IRAK1BP1: variants seen among roughly 807,000 people sequenced by gnomAD.
IRAK1BP1 encodes interleukin-1 receptor-associated kinase 1-binding protein 1.
Under a neutral mutation model 28.0 loss-of-function variants are expected in IRAK1BP1, and 24 were observed. The ratio of observed to expected loss-of-function variants is 0.86; its 90% CI spans 0.62 to 1.20. IRAK1BP1 has a LOEUF of 1.20. Ranked by LOEUF, IRAK1BP1 falls within the 50% of genes most tolerant of loss-of-function variation. IRAK1BP1 has a pLI of 0.00. For missense variants in IRAK1BP1, 336 were observed against 316.7 expected (o/e 1.06, Z -0.46); for synonymous variants, 131 against 116.3 (o/e 1.13, Z -0.81).
At position 78,901,651 on chromosome 6, in the gene IRAK1BP1, T is replaced by C. The variant is rs1176370562; in HGVS notation, c.*3317T>C. 1.3e-5 allele frequency: 2 copies of C among 152,128 alleles called. No homozygotes were observed. Among genetic ancestry groups the C allele is most frequent in the African/African-American group, 4.8e-5 (2 of 41,442 alleles). The allele number at this position is 152,128 out of a possible 1,614,324, so 9.4% of individuals were successfully genotyped here. A position where few individuals can be genotyped will look rare whatever the true frequency, so the allele number is the denominator to read the frequency against. On this transcript the variant is annotated 3_prime_UTR_variant, in exon 4 of 4. Transcript: ENST00000369940. ...ACTGTATCCTAAATGGAAGTGCTATTAAAAGGAAATGCTATTAAAATAAGA... is the reference window on the plus strand; with the variant it reads ...ACTGTATCCTAAATGGAAGTGCTATCAAAAGGAAATGCTATTAAAATAAGA...
rs1772004041 is a variant in IRAK1BP1, at chr6:78,898,970, A to C, written c.*636A>C. On this transcript the variant is annotated 3_prime_UTR_variant, in exon 4 of 4. Coordinates refer to ENST00000369940, the MANE Select transcript of IRAK1BP1 (RefSeq NM_001010844.4). ...AGACTTGAGATTCCCAGACAGAAACAAAGGACTATTACTCATGGCACAACA... is the reference window on the plus strand; with the variant it reads ...AGACTTGAGATTCCCAGACAGAAACCAAGGACTATTACTCATGGCACAACA... The C allele has an allele frequency of 6.6e-6, 1 of 152,166 alleles. No homozygotes were observed. The highest frequency in any genetic ancestry group is 1.5e-5 in the Non-Finnish European group (1 of 68,014). 9.4% of individuals were successfully genotyped at this position (152,166 alleles called of 1,614,324 possible).
chr6:78,871,410 A>G (rs1011349094), intron 1 of IRAK1BP1: 47 of 985,404 alleles, frequency 4.8e-5, no homozygotes, highest in Non-Finnish European at 5.7e-5. Context: ...AACACAGTGC[A>G]ACCAAAAGAC....
chr6:78,968,017 A>T, the IRAK1BP1 span, among the ~76,000 whole-genome samples: 1 of 152,064 alleles, frequency 6.6e-6, no homozygotes, highest in Admixed American at 6.6e-5. Context: ...AGGAGCCTGT[A>T]GTCCCAGCTA....
At chr6:78,973,884 G>C in the IRAK1BP1 span, among the ~76,000 whole-genome samples, 6 of 151,474 alleles carry the variant, frequency 4.0e-5, no homozygotes, top group Non-Finnish European at 5.9e-5. Flanking sequence ...AGCAAGTCTT[G>C]AGTGACCTAC....
At chr6:78,946,417 G>A in exon 5 of IRAK1BP1, 10 of 1,401,316 alleles carry the variant, frequency 7.1e-6, no homozygotes, top group Non-Finnish European at 8.4e-6. Context: ...CTTTGAAAGT[G>A]AATATTTAGT....
At position 78,900,384 on chromosome 6, in the gene IRAK1BP1, G is replaced by T. The variant is rs2174742; in HGVS notation, c.*2050G>T. 73,510 of 152,082 alleles carry T rather than the reference G, an allele frequency of 0.48. 18,027 individuals carry two copies. The highest frequency in any genetic ancestry group is 0.69 in the East Asian group (3,586 of 5,176). 9.4% of individuals were successfully genotyped at this position (152,082 alleles called of 1,614,324 possible). On this transcript the variant is annotated 3_prime_UTR_variant, in exon 4 of 4. Transcript: ENST00000369940. ...AAATCTGGATGTTTATATACCAACA[G>T]TACTTTCTTACAACATATTCCAGTA...
At chr6:78,880,473 CA>C (rs1282673299) in intron 1 of IRAK1BP1, among the ~76,000 whole-genome samples, 1 of 151,992 alleles carries the variant, frequency 6.6e-6, no homozygotes, top group Non-Finnish European at 1.5e-5. Flanking sequence ...TATTTTATGA[CA>C]ATTAAAAACT....
the IRAK1BP1 span, chr6:78,955,493 T>TTA: frequency 4.2e-5 from 21 of 502,916 alleles, no homozygotes; most frequent in South Asian, 1.2e-4. Context: ...TTTTTTTTTT[T>TTA]AAATTAACTA....
the IRAK1BP1 span, chr6:78,965,874 T>G: frequency 8.1e-7 from 1 of 1,237,934 alleles, no homozygotes; most frequent in South Asian, 1.3e-5. Context: ...AGTCTCTTTA[T>G]CTCTTAATAG....
downstream of IRAK1BP1, among the ~76,000 whole-genome samples, chr6:78,907,639 C>A (rs1006878696): frequency 3.3e-5 from 5 of 152,168 alleles, no homozygotes; most frequent in African/African-American, 1.2e-4. Context: ...GTTGAATACA[C>A]ACACACAATG....
intron 1 of IRAK1BP1, among the ~76,000 whole-genome samples, chr6:78,870,102 T>C (rs1214443678): frequency 3.2e-5 from 2 of 62,030 alleles, no homozygotes; most frequent in African/African-American, 1.3e-4. Flanking sequence ...AGAGTGAAAC[T>C]CCGTCCCAAA....
chr6:78,939,279 AAAT>A (rs1773381287), intron 4 of IRAK1BP1: 1 of 151,762 alleles, frequency 6.6e-6, no homozygotes, highest in African/African-American at 2.4e-5. Context: ...ATGATGCAAA[AAAT>A]AATAGAATAC....
chr6:78,914,611 C>T (rs1251456792), intron 4 of IRAK1BP1, among the ~76,000 whole-genome samples: 2 of 152,088 alleles, frequency 1.3e-5, no homozygotes, highest in South Asian at 2.1e-4. Flanking sequence ...TAATTTAAGG[C>T]AATGCTCCTA....
At chr6:78,880,933 C>T (rs1771207726) in intron 1 of IRAK1BP1, among the ~76,000 whole-genome samples, 1 of 152,066 alleles carries the variant, frequency 6.6e-6, no homozygotes, top group South Asian at 2.1e-4. Flanking sequence ...GGTGAGATTG[C>T]AAAATTATAT....
Position 78,913,503 on chromosome 6 carries a change from G to A in IRAK1BP1, c.*67+10393G>A, listed in dbSNP as rs1772479467. 2.0e-5 allele frequency among the ~76,000 whole-genome samples: 3 copies of A among 152,178 alleles called. No individual in the cohort carries two copies. The South Asian group carries it at 6.2e-4, about 32-fold the overall frequency. ...TGTACTAAAAATATAAAAATTAGCT[G>A]CGCATAGTGGCACACACCTGTAATC... On this transcript the variant is annotated intron_variant and NMD_transcript_variant, in intron 4 of 4. Transcript: ENST00000606868.
Position 78,888,227 on chromosome 6 carries a change from G to T in IRAK1BP1, c.381+2784G>T, listed in dbSNP as rs570899287. Among the ~76,000 whole-genome samples the T allele has an allele frequency of 2.3e-3, 356 of 152,236 alleles. 4 individuals are homozygous for T. Among genetic ancestry groups the T allele is most frequent in the Non-Finnish European group, 1.9e-4 (13 of 68,012 alleles). On this transcript the variant is annotated intron_variant, in intron 2 of 3. Coordinates refer to ENST00000369940, the MANE Select transcript of IRAK1BP1 (RefSeq NM_001010844.4). The stretch of plus-strand genomic sequence containing the variant: ...GGAAATGGGATTTCTTACTCAATGG[G>T]TATAAAGTTACAGTTATGCAGATGA...
chr6:78,946,965 A>C (rs913307285), downstream of IRAK1BP1: 10 of 701,130 alleles, frequency 1.4e-5, no homozygotes, highest in Non-Finnish European at 2.3e-5. Context: ...TTTCCAGTAA[A>C]AAATATTTAG....
At chr6:78,974,964 T>C in the IRAK1BP1 span, among the ~76,000 whole-genome samples, 4 of 151,620 alleles carry the variant, frequency 2.6e-5, no homozygotes, top group Non-Finnish European at 4.4e-5. Flanking sequence ...ACTGGTACCA[T>C]TCCTTCTGAA....
the IRAK1BP1 span, among the ~76,000 whole-genome samples, chr6:78,969,107 TTTTC>T: frequency 1.1e-4 from 17 of 152,214 alleles, no homozygotes; most frequent in African/African-American, 1.9e-4. Flanking sequence ...GAGATGTAAA[TTTTC>T]TTTCTAACTT....
Sources: gnomAD v4.1 joint callset for allele counts (sites outside exome capture counted in the v4.1 genomes callset) on GRCh38, gnomAD v4.1.1 for gene constraint, MANE v1.5 for transcripts, NCBI Gene and HGNC (gene_info 2026-07-23, HGNC 2026-07-21) for gene names.